The following GLI3 variants were observed in gnomAD, a reference collection of about 807,000 sequenced individuals.
GLI3 encodes GLI family zinc finger 3, also known as transcription activator GLI3.
Under a neutral mutation model 100.8 loss-of-function variants are expected in GLI3, and 20 were observed. The observed-to-expected ratio is 0.20, with a 90% CI of 0.14 to 0.29. The LOEUF (loss-of-function observed/expected upper bound fraction) is 0.29, where lower values mean the gene tolerates loss of function less well. Ranked by LOEUF, GLI3 falls within the 10% of genes least tolerant of loss-of-function variation. GLI3 has a pLI of 1.00. For synonymous variants in GLI3, 938 were observed against 860.5 expected, an observed-to-expected ratio of 1.09 and a Z score of -1.58; for missense variants, 2,040 against 2,128.5, an observed-to-expected ratio of 0.96 and a Z score of 0.82.
At chr7:42,070,337 A>G (rs1004228654) in intron 4 of GLI3, among the ~76,000 whole-genome samples, 1 of 152,226 alleles carries the variant, frequency 6.6e-6, no homozygotes, top group Non-Finnish European at 1.5e-5. Context: ...GGGAATTTGC[A>G]GAAGACAATG....
chr7:42,147,342 G>A (rs959912741), intron 3 of GLI3, among the ~76,000 whole-genome samples: 3 of 152,196 alleles, frequency 2.0e-5, no homozygotes, highest in Non-Finnish European at 4.4e-5. Flanking sequence ...TCTGAATGAT[G>A]TGGAAAAGGG....
chr7:42,074,663 G>A (rs1784843621), intron 4 of GLI3, among the ~76,000 whole-genome samples: 1 of 152,114 alleles, frequency 6.6e-6, no homozygotes, highest in Non-Finnish European at 1.5e-5. Flanking sequence ...CACTTCATAA[G>A]CATAGCGTCC....
chr7:41,964,875 C>T lies in GLI3; in HGVS notation c.4198G>A (p.Asp1400Asn), dbSNP rs1787116704. Reference sequence around the variant, plus strand: ...TGTCCTGACTGCAGAGCAAGGCTGTCCCTCGGCATAGCCTGGCGCCTGCTG... The same window carrying T: ...TGTCCTGACTGCAGAGCAAGGCTGTTCCTCGGCATAGCCTGGCGCCTGCTG... Reference protein sequence around the residue: ...GGSRRQAMPRDSLALQSGQLS... With the variant: ...GGSRRQAMPRNSLALQSGQLS... Residue 1400 changes from aspartate to asparagine, a missense_variant, in exon 15 of 15, where the codon GAC (aspartate) becomes AAC (asparagine). This residue lies in a region of GLI3 where 1,041 missense variants were observed against 924.0 expected (regional missense o/e 1.13). Coordinates refer to ENST00000395925, the MANE Select transcript of GLI3 (RefSeq NM_000168.6). 1 of 1,613,866 alleles carries T rather than the reference C, an allele frequency of 6.2e-7. No individual in the cohort carries two copies. The highest frequency in any genetic ancestry group is 2.2e-5 in the East Asian group (1 of 44,874).
chr7:41,978,520 G>T, intron 11 of GLI3, 79 bp downstream of exon 11: 1 of 1,361,618 alleles, frequency 7.3e-7, no homozygotes, highest in Non-Finnish European at 1.1e-6. Flanking sequence ...CTTCCCCTGA[G>T]CTGGTGTCAT....
chr7:42,203,245 C>T (rs772631256), intron 2 of GLI3, among the ~76,000 whole-genome samples: 9 of 152,144 alleles, frequency 5.9e-5, no homozygotes, highest in Non-Finnish European at 1.3e-4. Context: ...GTGGTGAAAA[C>T]ATTTAACATC....
Position 42,132,293 on chromosome 7 carries a change from G to A in GLI3, c.367+15933C>T, listed in dbSNP as rs1468806947. Among the ~76,000 whole-genome samples the A allele has an allele frequency of 2.7e-5, 4 of 148,548 alleles. No individual in the cohort carries two copies. The South Asian group carries it at 6.3e-4, about 24-fold the overall frequency. ...TTTTTTGTATTTTTAGTAGAGATGG[G>A]GTTTCACCATGTTAGCCAGGATGGT... On this transcript the variant is annotated intron_variant, in intron 3 of 14. Transcript: ENST00000395925.
chr7:42,197,746 G>A (rs774950029), intron 2 of GLI3, among the ~76,000 whole-genome samples: 42 of 152,228 alleles, frequency 2.8e-4, no homozygotes, highest in Non-Finnish European at 5.0e-4. Context: ...AGACAGGAGA[G>A]TCAGCGCCTG....
chr7:42,081,954 A>G (rs865860), intron 3 of GLI3, among the ~76,000 whole-genome samples: 62,343 of 151,598 alleles, frequency 0.41, 14,272 homozygotes, highest in Admixed American at 0.58. Flanking sequence ...AATTTACTCA[A>G]TCAGCTTGGA....
intron 2 of GLI3, among the ~76,000 whole-genome samples, chr7:42,154,758 C>A (rs1360440866): frequency 6.6e-6 from 1 of 152,196 alleles, no homozygotes; most frequent in Non-Finnish European, 1.5e-5. Flanking sequence ...CTCTTTCCAT[C>A]TAGATTGCAG....
At chr7:42,142,620 A>G in intron 3 of GLI3, among the ~76,000 whole-genome samples, 1 of 152,140 alleles carries the variant, frequency 6.6e-6, no homozygotes. Flanking sequence ...CAGGCACAAG[A>G]GTAGTCAAGA....
At chr7:42,091,791 T>C (rs17640804) in intron 3 of GLI3, among the ~76,000 whole-genome samples, 35,647 of 152,216 alleles carry the variant, frequency 0.23, 4,409 homozygotes, top group Admixed American at 0.36. Context: ...TCCTTAACGA[T>C]TCTTCCCGGA....
intron 10 of GLI3, among the ~76,000 whole-genome samples, chr7:41,985,738 A>G (rs17639979): frequency 0.049 from 7,446 of 152,282 alleles, 266 homozygotes; most frequent in African/African-American, 0.094. Context: ...AAAGTTTTAC[A>G]ACTGTCATGA....
At chr7:42,127,637 G>A (rs1786166724) in intron 3 of GLI3, among the ~76,000 whole-genome samples, 1 of 152,178 alleles carries the variant, frequency 6.6e-6, no homozygotes, top group African/African-American at 2.4e-5. Context: ...AGCAACCTAA[G>A]TTTTACAGCG....
intron 10 of GLI3, among the ~76,000 whole-genome samples, chr7:41,979,670 T>C (rs1258821492): frequency 1.3e-5 from 2 of 152,238 alleles, no homozygotes; most frequent in African/African-American, 4.8e-5. Flanking sequence ...AGCTATGGAC[T>C]ACTGAAGACA....
intron 10 of GLI3, among the ~76,000 whole-genome samples, chr7:42,011,366 T>C (rs2128725609): frequency 6.6e-6 from 1 of 152,268 alleles, no homozygotes; most frequent in South Asian, 2.1e-4. Flanking sequence ...GTTTCTGAAA[T>C]AAAGCAAAGA....
chr7:42,064,658 T>C (rs1160567037), intron 4 of GLI3, among the ~76,000 whole-genome samples: 3 of 152,162 alleles, frequency 2.0e-5, no homozygotes, highest in Non-Finnish European at 4.4e-5. Flanking sequence ...AGCAAAGCCA[T>C]AATCCAGTCA....
At chr7:42,075,091 C>T (rs1784853205) in intron 4 of GLI3, among the ~76,000 whole-genome samples, 1 of 152,130 alleles carries the variant, frequency 6.6e-6, no homozygotes, top group South Asian at 2.1e-4. Flanking sequence ...GTGGGGGCTA[C>T]AGGAGGGCTT....
chr7:42,161,628 A>G (rs560683715), intron 2 of GLI3, among the ~76,000 whole-genome samples: 1 of 152,224 alleles, frequency 6.6e-6, no homozygotes, highest in South Asian at 2.1e-4. Context: ...GATGACGGAA[A>G]TAGGCTTAGA....
intron 10 of GLI3, among the ~76,000 whole-genome samples, chr7:42,016,416 C>T (rs908880069): frequency 1.3e-5 from 2 of 152,190 alleles, no homozygotes; most frequent in Non-Finnish European, 2.9e-5. Context: ...AACCTAACCC[C>T]TGCTTTTATA....
Sources: gnomAD v4.1 joint callset for allele counts (sites outside exome capture counted in the v4.1 genomes callset) on GRCh38, gnomAD v4.1.1 for gene constraint, gnomAD v4.1.1 regional missense constraint, MANE v1.5 for transcripts, NCBI Gene and HGNC (gene_info 2026-07-23, HGNC 2026-07-21) for gene names.